EXOSC10: variants seen among roughly 807,000 people sequenced by gnomAD.
EXOSC10 encodes exosome component 10, also known as exosome complex component 10.
A neutral mutation model predicts 126.6 loss-of-function variants in EXOSC10; 94 were observed. The observed-to-expected ratio is 0.74, with a 90% CI of 0.63 to 0.88. EXOSC10 has a LOEUF of 0.88. EXOSC10 is among the 40% of genes least tolerant of loss of function. The probability of loss-of-function intolerance (pLI) is 0.00; values close to 1 mark genes in which losing one functional copy is unlikely to be tolerated. For synonymous variants in EXOSC10, 395 were observed against 400.8 expected (o/e 0.99, Z 0.17); for missense variants, 1,041 against 1,100.5 (o/e 0.95, Z 0.77).
Position 11,077,381 on chromosome 1 carries a change from T to G in EXOSC10, c.1863A>C (p.Pro621=). The G allele has an allele frequency of 6.2e-7, 1 of 1,611,978 alleles. No individual in the cohort carries two copies. The highest frequency in any genetic ancestry group is 8.5e-7 in the Non-Finnish European group (1 of 1,178,222). Residue 621 remains proline, a synonymous_variant, in exon 16 of 25, where the codon CCA becomes CCC. Coordinates refer to ENST00000376936, the MANE Select transcript of EXOSC10 (RefSeq NM_001001998.3). ...CGACTTTACCACTGGTTGGGATGATTGGATAGCCATCCGGAGGGGCATGGG... is the reference window on the plus strand; with the variant it reads ...CGACTTTACCACTGGTTGGGATGATGGGATAGCCATCCGGAGGGGCATGGG... ...DCSHAPPDGY[P]IIPTSGSVPV... is the part of the protein sequence containing the mutation.
At chr1:11,073,641 G>A (rs937896146) in intron 19 of EXOSC10, among the ~76,000 whole-genome samples, 4 of 151,828 alleles carry the variant, frequency 2.6e-5, no homozygotes, top group African/African-American at 9.7e-5. Context: ...TGTAGTCCCA[G>A]CACTTTGGGA....
At chr1:11,068,812 G>T in intron 22 of EXOSC10, 106 bp from the exon 23 acceptor site, 1 of 869,922 alleles carries the variant, frequency 1.1e-6, no homozygotes, top group Non-Finnish European at 2.0e-6. Flanking sequence ...AGCCTTGGCT[G>T]TGAGAGCACC....
intron 17 of EXOSC10, among the ~76,000 whole-genome samples, chr1:11,075,461 C>T (rs995617961): frequency 2.0e-5 from 3 of 152,244 alleles, no homozygotes; most frequent in South Asian, 2.1e-4. Flanking sequence ...TGCAGGGAGA[C>T]CACAGCCTCC....
rs554780940 is a variant in EXOSC10 at position 11,077,855 on chromosome 1, C to G, written c.1750-204G>C. On this transcript the variant is annotated intron_variant, in intron 14 of 24. Transcript: ENST00000376936. ...ATTTGTAGAATGAAAGAATAAAGCT[C>G]TTTAACATGACTAAGCACAATAGGA... Among the ~76,000 whole-genome samples the G allele has an allele frequency of 6.6e-5, 10 of 152,268 alleles. No individual in the cohort carries two copies. The South Asian group carries it at 2.1e-3, about 32-fold the overall frequency.
rs764768620 is a variant in EXOSC10, at chr1:11,099,815, G to C, written c.17C>G (p.Thr6Ser). The part of the protein sequence containing the change: MAPPS[T>S]REPRVLSATS... ...CGCCGACAGGACCCTGGGCTCCCGG[G>C]TACTGGGTGGCGCCATTTTTTCAGC... Residue 6 changes from threonine to serine, a missense_variant, in exon 1 of 25, where the codon ACC (threonine) becomes AGC (serine). Physicochemically the swap from Thr to Ser is moderately conservative, Grantham distance 58. Coordinates refer to ENST00000376936, the MANE Select transcript of EXOSC10 (RefSeq NM_001001998.3). The C allele has an allele frequency of 1.9e-6, 3 of 1,608,488 alleles. No individual in the cohort carries two copies. The highest frequency in any genetic ancestry group is 1.7e-6 in the Non-Finnish European group (2 of 1,177,006).
At chr1:11,074,186 G>T in intron 18 of EXOSC10, 45 bp downstream of exon 18, 1 of 1,488,662 alleles carries the variant, frequency 6.7e-7, no homozygotes, top group Non-Finnish European at 9.4e-7. Flanking sequence ...TACAGCTGTA[G>T]GCATCTCTGC....
chr1:11,079,680 C>A (rs755750723), intron 14 of EXOSC10, 31 bp downstream of exon 14: 1 of 1,572,242 alleles, frequency 6.4e-7, no homozygotes, highest in Non-Finnish European at 8.7e-7. Flanking sequence ...AGGCGTGAGC[C>A]ACTGTGCCCA....
At chr1:11,098,259 A>C in intron 1 of EXOSC10, 103 bp from the exon 2 acceptor site, 1 of 1,376,540 alleles carries the variant, frequency 7.3e-7, no homozygotes, top group Non-Finnish European at 9.5e-7. Flanking sequence ...CTCTTCATCC[A>C]TCAAAAAAAG....
chr1:11,084,890 T>C (rs1253316329), intron 9 of EXOSC10, among the ~76,000 whole-genome samples: 1 of 152,210 alleles, frequency 6.6e-6, no homozygotes, highest in South Asian at 2.1e-4. Flanking sequence ...GGGAATCCTT[T>C]CCCCATTGCT....
Position 11,080,900 on chromosome 1 carries a change from G to A in EXOSC10, c.1450C>T (p.Pro484Ser). ...RDICLKKFIK[P>S]IFTDESYLEL... ...AGGTAGGACTCATCCGTGAAGATAG[G>A]TTTGATGAATTTCTACAAAGTATTA... Residue 484 changes from proline to serine, a missense_variant, in exon 12 of 25, where the codon CCT (proline) becomes TCT (serine). Transcript: ENST00000376936. The A allele has an allele frequency of 6.2e-7, 1 of 1,605,994 alleles. No individual in the cohort carries two copies. The highest frequency in any genetic ancestry group is 2.2e-5 in the East Asian group (1 of 44,842).
At chr1:11,094,538 G>A (rs12077613) in intron 3 of EXOSC10, among the ~76,000 whole-genome samples, 5,082 of 151,180 alleles carry the variant, frequency 0.034, 273 homozygotes, top group African/African-American at 0.12. Flanking sequence ...TCAGGTAGGT[G>A]GATCCACCCA....
chr1:11,074,050 G>A (rs781022862), intron 18 of EXOSC10, 42 bp from the exon 19 acceptor site: 14 of 1,589,928 alleles, frequency 8.8e-6, no homozygotes, highest in Non-Finnish European at 1.2e-5. Flanking sequence ...GCCGGGAACG[G>A]AATCTAGAGC....
chr1:11,080,563 A>AAAAAACAC lies in EXOSC10; in HGVS notation c.1587-15_1587-14insGTGTTTTT. 1 of 1,422,640 alleles carries AAAAAACAC rather than the reference A, an allele frequency of 7.0e-7. No homozygotes were observed. The highest frequency in any genetic ancestry group is 2.4e-5 in the East Asian group (1 of 41,992). The allele number at this position is 1,422,640 out of a possible 1,614,324, so 88.1% of individuals were successfully genotyped here. A position where few individuals can be genotyped will look rare whatever the true frequency, so the allele number is the denominator to read the frequency against. On this transcript the variant is annotated splice_polypyrimidine_tract_variant and intron_variant, in intron 12 of 24. Coordinates refer to ENST00000376936, the MANE Select transcript of EXOSC10 (RefSeq NM_001001998.3). The stretch of plus-strand genomic sequence containing the variant: ...GGCAGTACATATCTGGAAAAAAAAA[A>AAAAAACAC]ACACACACACACACACACACACACA...
chr1:11,088,333 T>TTCAC (rs941606201), intron 6 of EXOSC10, 135 bp from the exon 7 acceptor site: 2 of 576,438 alleles, frequency 3.5e-6, no homozygotes, highest in African/African-American at 4.8e-5. Flanking sequence ...TACAAAGAGC[T>TTCAC]TATTTCAGTA....
chr1:11,090,455 A>T, intron 6 of EXOSC10, 99 bp downstream of exon 6: 1 of 934,220 alleles, frequency 1.1e-6, no homozygotes, highest in Non-Finnish European at 1.7e-6. Flanking sequence ...GGAAATCACT[A>T]CTCCTCAGAT....
intron 14 of EXOSC10, among the ~76,000 whole-genome samples, chr1:11,077,936 CT>C (rs1639911607): frequency 6.6e-6 from 1 of 152,158 alleles, no homozygotes; most frequent in Admixed American, 6.5e-5. Flanking sequence ...TCTCTCTTTA[CT>C]TGGACAAAGT....
At chr1:11,096,914 C>A (rs1641130042) in intron 2 of EXOSC10, among the ~76,000 whole-genome samples, 6 of 151,956 alleles carry the variant, frequency 3.9e-5, no homozygotes, top group Admixed American at 3.3e-4. Flanking sequence ...CCCATCTCTA[C>A]TAAAAATACA....
At chr1:11,076,696 C>A in intron 17 of EXOSC10, 146 bp downstream of exon 17, 1 of 666,724 alleles carries the variant, frequency 1.5e-6, no homozygotes, top group Non-Finnish European at 2.6e-6. Flanking sequence ...GCTCATTGGT[C>A]TCTATGCCTC....
At position 11,095,821 on chromosome 1, in the gene EXOSC10, C is replaced by T; in HGVS notation, c.309G>A (p.Val103=). Reference sequence around the variant, plus strand: ...AATCAAACTTGTCTTCCAGCTCAGTCACTTTACTTCGATCCTTAATGTTGC... The same window carrying T: ...AATCAAACTTGTCTTCCAGCTCAGTTACTTTACTTCGATCCTTAATGTTGC... ...CRSNIKDRSK[V]TELEDKFDLL... is the part of the protein sequence containing the mutation. Residue 103 remains valine, a synonymous_variant, in exon 3 of 25, where the codon GTG becomes GTA. Transcript: ENST00000376936. 1 of 1,614,082 alleles carries T rather than the reference C, an allele frequency of 6.2e-7. No individual in the cohort carries two copies. The highest frequency in any genetic ancestry group is 1.1e-5 in the South Asian group (1 of 91,076).
Sources: gnomAD v4.1 joint callset for allele counts (sites outside exome capture counted in the v4.1 genomes callset) on GRCh38, gnomAD v4.1.1 for gene constraint, MANE v1.5 for transcripts, NCBI Gene and HGNC (gene_info 2026-07-23, HGNC 2026-07-21) for gene names.